The following PIK3CB variants were observed in gnomAD, a reference collection of about 807,000 sequenced individuals.
The protein encoded by PIK3CB is phosphatidylinositol-4,5-bisphosphate 3-kinase catalytic subunit beta, also known as phosphatidylinositol 4,5-bisphosphate 3-kinase catalytic subunit beta isoform.
PIK3CB carries 39 observed loss-of-function variants against 136.8 expected under a neutral mutation model. The observed-to-expected ratio is 0.29, with a 90% CI of 0.22 to 0.37. The LOEUF is 0.37. Ranked by LOEUF, PIK3CB falls within the 10% of genes least tolerant of loss-of-function variation. PIK3CB has a pLI of 1.00. For synonymous variants in PIK3CB, 428 were observed against 436.6 expected, an observed-to-expected ratio of 0.98 and a Z score of 0.25; for missense variants, 868 against 1,275.4, an observed-to-expected ratio of 0.68 and a Z score of 4.87.
At position 138,657,754 on chromosome 3, in the gene PIK3CB, G is replaced by A; in HGVS notation, c.2878C>T (p.Leu960Phe). 6.2e-7 allele frequency: 1 copy of A among 1,612,504 alleles called. No homozygotes were observed. Among genetic ancestry groups the A allele is most frequent in the Non-Finnish European group, 8.5e-7 (1 of 1,178,828 alleles). The change falls in exon 22 of 24, where the codon CTT (leucine) becomes TTT (phenylalanine). Residue 960 changes from leucine to phenylalanine, a missense_variant. Leu to Phe is a conservative substitution (Grantham distance 22, BLOSUM62 0). Transcript: ENST00000674063. ...GIKRERVPFI[L>F]TYDFIHVIQQ... is the part of the protein sequence containing the mutation. ...ATGACATGGATGAAATCATAGGTAA[G>A]AATAAAAGGCACTCGCTCCCTTTTA...
At chr3:138,679,590 T>C (rs1444750371) in intron 19 of PIK3CB, among the ~76,000 whole-genome samples, 1 of 151,794 alleles carries the variant, frequency 6.6e-6, no homozygotes, top group African/African-American at 2.4e-5. Context: ...AGTTCTTTTT[T>C]TTTCTTTTTT....
intron 1 of PIK3CB, among the ~76,000 whole-genome samples, chr3:138,807,462 AC>A (rs1282383378): frequency 6.6e-6 from 1 of 152,092 alleles, no homozygotes. Flanking sequence ...AATAAAATGA[AC>A]CTTATTTATC....
chr3:138,779,644 T>C (rs529497544), intron 2 of PIK3CB, among the ~76,000 whole-genome samples: 248 of 151,598 alleles, frequency 1.6e-3, no homozygotes, highest in African/African-American at 5.8e-3. Context: ...CCATCTGCCT[T>C]AGCCTCCCAA....
intron 1 of PIK3CB, among the ~76,000 whole-genome samples, chr3:138,831,382 CA>C (rs1934032729): frequency 1.4e-5 from 2 of 144,506 alleles, no homozygotes; most frequent in South Asian, 4.4e-4. Flanking sequence ...CACCTGAGGT[CA>C]GGAGTTCAAG....
intron 1 of PIK3CB, among the ~76,000 whole-genome samples, chr3:138,827,116 T>C (rs1220106758): frequency 1.3e-5 from 2 of 151,962 alleles, no homozygotes; most frequent in East Asian, 1.9e-4. Flanking sequence ...AAATACTAAA[T>C]ACGATTGAAT....
At chr3:138,788,516 G>C (rs1364576938) in intron 2 of PIK3CB, among the ~76,000 whole-genome samples, 1 of 150,740 alleles carries the variant, frequency 6.6e-6, no homozygotes, top group African/African-American at 2.4e-5. Flanking sequence ...AATTAGCCAG[G>C]CCTGGTGGCA....
chr3:138,715,255 T>G (rs1397968884), intron 8 of PIK3CB, among the ~76,000 whole-genome samples: 1 of 152,224 alleles, frequency 6.6e-6, no homozygotes, highest in African/African-American at 2.4e-5. Context: ...TATATCACGG[T>G]CCTTTGTTTT....
chr3:138,726,199 T>A (rs889836753), intron 8 of PIK3CB, among the ~76,000 whole-genome samples: 8 of 152,350 alleles, frequency 5.3e-5, no homozygotes, highest in African/African-American at 1.9e-4. Context: ...TAAGAGCAGA[T>A]CCTCATATGC....
intron 1 of PIK3CB, among the ~76,000 whole-genome samples, chr3:138,826,719 C>A (rs1477663415): frequency 6.6e-6 from 1 of 151,966 alleles, no homozygotes; most frequent in African/African-American, 2.4e-5. Context: ...TACACTCTCT[C>A]ACACACGTGT....
At chr3:138,768,901 G>C (rs568275010) in intron 2 of PIK3CB, among the ~76,000 whole-genome samples, 2 of 152,358 alleles carry the variant, frequency 1.3e-5, no homozygotes, top group South Asian at 4.1e-4. Flanking sequence ...CCGAGCCTGA[G>C]AGGGCAGAGT....
At chr3:138,726,928 G>C (rs967658746) in intron 8 of PIK3CB, among the ~76,000 whole-genome samples, 1 of 151,824 alleles carries the variant, frequency 6.6e-6, no homozygotes. Context: ...GTGCATGCCT[G>C]TAGTCCCAGA....
chr3:138,832,675 C>T (rs1459017574), intron 1 of PIK3CB, among the ~76,000 whole-genome samples: 1 of 151,846 alleles, frequency 6.6e-6, no homozygotes, highest in African/African-American at 2.4e-5. Context: ...AAAAAAAGTA[C>T]AAAATTAGCC....
chr3:138,773,138 C>T (rs1339542759), intron 2 of PIK3CB, among the ~76,000 whole-genome samples: 1 of 151,932 alleles, frequency 6.6e-6, no homozygotes, highest in East Asian at 1.9e-4. Context: ...CGGTGGCTCA[C>T]GCCTGTAATC....
rs2044069211 is a variant in PIK3CB, at chr3:138,693,953, A to ATC, written c.1892+832_1892+833insGA. The stretch of plus-strand genomic sequence containing the variant: ...TTGCTTAAAATATATATATATATAT[A>ATC]TATATATATATATTATATATATATA... On this transcript the variant is annotated intron_variant, in intron 14 of 23. Coordinates refer to ENST00000674063, the MANE Select transcript of PIK3CB (RefSeq NM_006219.3). Among the ~76,000 whole-genome samples the ATC allele has an allele frequency of 5.3e-5, 2 of 37,884 alleles. 1 individual carries two copies. The highest frequency in any genetic ancestry group is 7.0e-4 in the Admixed American group (2 of 2,854). The allele number at this position is 37,884 out of a possible 152,430, so 24.9% of individuals were successfully genotyped here.
chr3:138,806,829 C>T (rs2046239443), intron 1 of PIK3CB, among the ~76,000 whole-genome samples: 1 of 152,122 alleles, frequency 6.6e-6, no homozygotes, highest in Admixed American at 6.6e-5. Flanking sequence ...TTGAAGAATA[C>T]CACCCTTAAA....
chr3:138,815,917 T>C (rs778136576), intron 1 of PIK3CB, among the ~76,000 whole-genome samples: 1 of 152,238 alleles, frequency 6.6e-6, no homozygotes, highest in Non-Finnish European at 1.5e-5. Context: ...CCTCAATACA[T>C]GGCAGCAACT....
intron 2 of PIK3CB, among the ~76,000 whole-genome samples, chr3:138,776,707 A>G (rs1205670788): frequency 3.3e-5 from 5 of 151,786 alleles, no homozygotes; most frequent in Admixed American, 1.3e-4. Context: ...AAAAACAAAC[A>G]AACAAACAAA....
chr3:138,731,406 C>T (rs542439943), intron 8 of PIK3CB, among the ~76,000 whole-genome samples: 6 of 151,820 alleles, frequency 4.0e-5, no homozygotes, highest in Non-Finnish European at 8.8e-5. Context: ...ACATATGCCA[C>T]CATACCCAGC....
At chr3:138,662,337 C>T (rs867940134) in intron 21 of PIK3CB, among the ~76,000 whole-genome samples, 4 of 143,900 alleles carry the variant, frequency 2.8e-5, no homozygotes, top group Non-Finnish European at 6.0e-5. Context: ...GTTCAATTCC[C>T]ATCTATGAGT....
Sources: allele counts gnomAD v4.1 joint callset (sites outside exome capture counted in the v4.1 genomes callset), GRCh38; gene constraint gnomAD v4.1.1; transcripts MANE v1.5; gene names NCBI Gene and HGNC (gene_info 2026-07-23, HGNC 2026-07-21).